Variants in PFKM observed in about 807,000 individuals in gnomAD.
The protein encoded by PFKM is ATP-dependent 6-phosphofructokinase, muscle type.
Under a neutral mutation model 95.5 loss-of-function variants are expected in PFKM, and 58 were observed. The observed-to-expected ratio is 0.61, with a 90% CI of 0.49 to 0.76. The LOEUF (loss-of-function observed/expected upper bound fraction) is 0.76, where lower values mean the gene tolerates loss of function less well. Ranked by LOEUF, PFKM falls within the 30% of genes least tolerant of loss-of-function variation. The pLI, the probability that PFKM is intolerant of heterozygous loss-of-function variation, is 0.00. For missense variants in PFKM, 678 were observed against 1,005.4 expected, an observed-to-expected ratio of 0.67 and a Z score of 4.40; for synonymous variants, 336 against 357.2, an observed-to-expected ratio of 0.94 and a Z score of 0.67.
chr12:48,138,982 A>C (rs1164202758), intron 11 of PFKM, among the ~76,000 whole-genome samples: 2 of 152,218 alleles, frequency 1.3e-5, no homozygotes, highest in African/African-American at 4.8e-5. Context: ...AGGGGGTTGC[A>C]GTGAGCCAAG....
intron 14 of PFKM, 60 bp downstream of exon 14, chr12:48,140,931 G>A (rs1950529730): frequency 6.4e-7 from 1 of 1,573,426 alleles, no homozygotes; most frequent in East Asian, 2.2e-5. Context: ...TAGCAAGAAT[G>A]ACCTGTCCAT....
At position 48,131,395 on chromosome 12, in the gene PFKM, T is replaced by G. The variant is rs112350923; in HGVS notation, c.237+2T>G. On this transcript the variant is annotated splice_donor_variant, in intron 4 of 22. Transcript: ENST00000359794. LOFTEE classifies it high-confidence loss of function. ...AGCGTTTCGATGATGCTTCAGCTGG[T>G]ATGTTCCAGAGAACTCCCTGTCCCA... is the stretch of plus-strand genomic sequence containing the variant. 6.2e-7 allele frequency: 1 copy of G among 1,606,902 alleles called. No homozygotes were observed. The highest frequency in any genetic ancestry group is 8.5e-7 in the Non-Finnish European group (1 of 1,173,510).
rs1949369597 is a variant in PFKM at position 48,130,526 on chromosome 12, T to A, written c.159+90T>A. 4.2e-6 allele frequency: 4 copies of A among 943,742 alleles called. No homozygotes were observed. The Admixed American group carries it at 5.1e-5, about 12-fold the overall frequency. 58.5% of individuals were successfully genotyped at this position (943,742 alleles called of 1,614,324 possible). ...CCTTCCCACATTCTGTGTCCTTACCTCCCAGTTAGTTACATTGCTGTGTTT... is the reference window on the plus strand; with the variant it reads ...CCTTCCCACATTCTGTGTCCTTACCACCCAGTTAGTTACATTGCTGTGTTT... On this transcript the variant is annotated intron_variant, in intron 3 of 22. Coordinates refer to ENST00000359794, the MANE Select transcript of PFKM (RefSeq NM_000289.6).
At chr12:48,144,712 C>T (rs1377796299) in intron 20 of PFKM, among the ~76,000 whole-genome samples, 1 of 152,206 alleles carries the variant, frequency 6.6e-6, no homozygotes, top group Non-Finnish European at 1.5e-5. Flanking sequence ...AGCTGCTGGG[C>T]TGAAGAGGGG....
intron 4 of PFKM, chr12:48,131,803 T>G (rs765070389): frequency 5.8e-5 from 21 of 360,704 alleles, no homozygotes; most frequent in Non-Finnish European, 9.7e-5. Flanking sequence ...CCAGACCACT[T>G]AAAGGACGAA....
In PFKM at chr12:48,110,349, G is replaced by C. The variant is rs138758512; in HGVS notation, c.205+2155G>C. 8.2e-3 allele frequency among the ~76,000 whole-genome samples: 1,250 copies of C among 152,270 alleles called. 14 individuals are homozygous for C. Among genetic ancestry groups the C allele is most frequent in the Middle Eastern group, 0.02 (6 of 294 alleles). On this transcript the variant is annotated intron_variant, in intron 3 of 24. Transcript: ENST00000340802. Reference sequence around the variant, plus strand: ...TCTTATGGACACTTTTGAGCTCTGGGAAATCACTGAAGAATGATAGGATCA... The same window carrying C: ...TCTTATGGACACTTTTGAGCTCTGGCAAATCACTGAAGAATGATAGGATCA...
chr12:48,125,475 G>C (rs775970858), intron 2 of PFKM: 6 of 354,010 alleles, frequency 1.7e-5, no homozygotes, highest in South Asian at 6.2e-5. Context: ...TACAAAATTA[G>C]CTGGGCGTGG....
intron 7 of PFKM, 23 bp downstream of exon 7, chr12:48,134,299 T>C (rs1473521385): frequency 6.2e-7 from 1 of 1,603,756 alleles, no homozygotes; most frequent in Non-Finnish European, 8.5e-7. Context: ...TTCTGACCCA[T>C]TTATTCCGTG....
chr12:48,120,510 C>T (rs1227546525), intron 1 of PFKM, among the ~76,000 whole-genome samples: 2 of 152,140 alleles, frequency 1.3e-5, no homozygotes, highest in East Asian at 3.9e-4. Flanking sequence ...ACTTTAGCAG[C>T]CATCCAGTCC....
upstream of PFKM, among the ~76,000 whole-genome samples, chr12:48,117,539 A>G (rs1316103406): frequency 6.6e-6 from 1 of 152,218 alleles, no homozygotes; most frequent in Non-Finnish European, 1.5e-5. Context: ...ATAGGTGTGT[A>G]GTGGTGTCTC....
chr12:48,121,561 G>A (rs1175648834), intron 1 of PFKM, among the ~76,000 whole-genome samples: 1 of 152,180 alleles, frequency 6.6e-6, no homozygotes, highest in Admixed American at 6.5e-5. Flanking sequence ...GCTACCCTGA[G>A]TTCTCCAAAT....
At position 48,141,447 on chromosome 12, in the gene PFKM, A is replaced by G; in HGVS notation, c.1412+66A>G. ...TAAAGTTGCCCTTGGATGTGGGTTC[A>G]TTATGCCATGGTCTGCTTCAACCAC... On this transcript the variant is annotated intron_variant, in intron 15 of 22. Coordinates refer to ENST00000359794, the MANE Select transcript of PFKM (RefSeq NM_000289.6). 2.2e-6 allele frequency: 3 copies of G among 1,370,162 alleles called. No homozygotes were observed. The South Asian group carries it at 3.5e-5, about 16-fold the overall frequency. The allele number at this position is 1,370,162 out of a possible 1,614,324, so 84.9% of individuals were successfully genotyped here.
chr12:48,109,712 G>A (rs1371840515), intron 3 of PFKM, among the ~76,000 whole-genome samples: 1 of 152,128 alleles, frequency 6.6e-6, no homozygotes, highest in African/African-American at 2.4e-5. Context: ...GCTCAGTTAA[G>A]TGGCCACTCT....
chr12:48,106,869 A>AC (rs1946687815), intron 1 of PFKM, among the ~76,000 whole-genome samples: 1 of 152,162 alleles, frequency 6.6e-6, no homozygotes, highest in African/African-American at 2.4e-5. Flanking sequence ...ATAGAGAAGG[A>AC]CCCAGGAATC....
rs2136049384 is a variant in PFKM, at chr12:48,145,137, G to A, written c.2092+7G>A. On this transcript the variant is annotated splice_region_variant and intron_variant, in intron 21 of 22. Transcript: ENST00000359794. This position sits in a 1 kb window ranked among gnomAD's most constrained non-coding sequence, Gnocchi z 4.3. ...AAAGAGAGTTACCGTAATGGTAGGT[G>A]GGGTGAGAGCGAGTGCCCTCTATAG... 11 of 1,612,598 alleles carry A rather than the reference G, an allele frequency of 6.8e-6. No individual in the cohort carries two copies. Among genetic ancestry groups the A allele is most frequent in the Non-Finnish European group, 9.3e-6 (11 of 1,178,552 alleles).
At chr12:48,136,449 T>C (rs1471922645) in intron 10 of PFKM, among the ~76,000 whole-genome samples, 1 of 152,214 alleles carries the variant, frequency 6.6e-6, no homozygotes, top group Non-Finnish European at 1.5e-5. Context: ...TTTCAATTTT[T>C]GGCTATTAGG....
upstream of PFKM, chr12:48,119,239 C>T (rs886049451): frequency 6.1e-6 from 6 of 981,824 alleles, no homozygotes; most frequent in South Asian, 2.4e-4. Context: ...CAGGAGGAGG[C>T]GGAGCCTTCT....
rs150536345 is a variant in PFKM, at chr12:48,112,487, G to A, written c.205+4293G>A. Reference sequence around the variant, plus strand: ...TGAAGTAATGGGGGCTGTCCGTGAAGCCTTGTGGCAGTACAGCCCAGGTAA... The same window carrying A: ...TGAAGTAATGGGGGCTGTCCGTGAAACCTTGTGGCAGTACAGCCCAGGTAA... On this transcript the variant is annotated intron_variant, in intron 3 of 24. Transcript: ENST00000340802. Among the ~76,000 whole-genome samples, 224 of 152,366 alleles carry A rather than the reference G, an allele frequency of 1.5e-3. 1 individual carries two copies. In the East Asian group the frequency reaches 0.015, roughly 10 times the overall value.
chr12:48,108,826 C>T (rs2137536028), intron 3 of PFKM, among the ~76,000 whole-genome samples: 1 of 152,312 alleles, frequency 6.6e-6, no homozygotes, highest in Admixed American at 6.5e-5. Flanking sequence ...GATTATAAAA[C>T]ATATGTATAA....
Sources: allele counts gnomAD v4.1 joint callset (sites outside exome capture counted in the v4.1 genomes callset), GRCh38; gene constraint gnomAD v4.1.1; non-coding constraint Gnocchi (gnomAD v3.1); transcripts MANE v1.5; gene names NCBI Gene and HGNC (gene_info 2026-07-23, HGNC 2026-07-21).